Variants in TAFA2 observed in about 807,000 individuals in gnomAD.
TAFA2 encodes the protein chemokine-like protein TAFA-2.
TAFA2 carries 7 observed loss-of-function variants against 18.8 expected under a neutral mutation model. That is an observed-to-expected ratio of 0.37 (90% CI 0.21 to 0.70). The LOEUF (loss-of-function observed/expected upper bound fraction) is 0.70, where lower values mean the gene tolerates loss of function less well. Ranked by LOEUF, TAFA2 falls within the 30% of genes least tolerant of loss-of-function variation. The pLI is 0.53. For missense variants in TAFA2, 122 were observed against 158.1 expected, an observed-to-expected ratio of 0.77 and a Z score of 1.23; for synonymous variants, 60 against 54.2, an observed-to-expected ratio of 1.11 and a Z score of -0.47.
chr12:61,735,158 G>A (rs1868282808), intron 4 of TAFA2, among the ~76,000 whole-genome samples: 1 of 152,028 alleles, frequency 6.6e-6, no homozygotes, highest in African/African-American at 2.4e-5. Flanking sequence ...GTTTCCTCCT[G>A]AGGAATTAGG....
In TAFA2 at chr12:62,153,930, T is replaced by TGTTATGTTAC. The variant is rs1491115368; in HGVS notation, c.-2+37328_-2+37329insGTAACATAAC. Among the ~76,000 whole-genome samples the TGTTATGTTAC allele has an allele frequency of 6.3e-4, 90 of 142,736 alleles. 1 individual carries two copies. The Admixed American group carries it at 6.6e-3, about 11-fold the overall frequency. 93.6% of individuals were successfully genotyped at this position (142,736 alleles called of 152,430 possible). On this transcript the variant is annotated intron_variant, in intron 1 of 4. Transcript: ENST00000416284. ...GCATGAACATAACAAAATTATGTTA[T>TGTTATGTTAC]GTTATGTTATGTTATGTTATGTTAT...
intron 1 of TAFA2, among the ~76,000 whole-genome samples, chr12:62,207,592 C>T (rs2062697513): frequency 6.6e-6 from 1 of 152,158 alleles, no homozygotes; most frequent in Non-Finnish European, 1.5e-5. Flanking sequence ...TTAGCTGCTT[C>T]CATGAACTTT....
chr12:61,973,941 T>C (rs1443213139), intron 1 of TAFA2, among the ~76,000 whole-genome samples: 1 of 151,684 alleles, frequency 6.6e-6, no homozygotes, highest in Admixed American at 6.6e-5. Flanking sequence ...AACCATTAGA[T>C]GTCTGGAAAA....
intron 1 of TAFA2, among the ~76,000 whole-genome samples, chr12:62,099,335 T>C (rs1426733597): frequency 1.3e-5 from 2 of 152,162 alleles, no homozygotes; most frequent in Non-Finnish European, 2.9e-5. Flanking sequence ...AACACAAAAA[T>C]GTGATCAGTC....
At chr12:61,786,942 A>G (rs1207269623) in intron 2 of TAFA2, among the ~76,000 whole-genome samples, 1 of 151,558 alleles carries the variant, frequency 6.6e-6, no homozygotes, top group Non-Finnish European at 1.5e-5. Context: ...CTCAGAAAAA[A>G]GAAGGGAAAT....
chr12:62,233,407 C>G (rs1409251916), intron 1 of TAFA2, among the ~76,000 whole-genome samples: 2 of 152,088 alleles, frequency 1.3e-5, no homozygotes, highest in Non-Finnish European at 2.9e-5. Flanking sequence ...AGTAACATCC[C>G]TCCTCCACTA....
intron 2 of TAFA2, among the ~76,000 whole-genome samples, chr12:61,861,256 CTTTTTTTTTTTT>C (rs1172711323): frequency 1.7e-5 from 2 of 117,160 alleles, no homozygotes; most frequent in East Asian, 5.0e-4. Context: ...CTGGCCTCGC[CTTTTTTTTTTTT>C]TTTTTTTTTA....
intron 1 of TAFA2, among the ~76,000 whole-genome samples, chr12:61,957,727 TCTGCAGGTG>T (rs1161648402): frequency 6.6e-6 from 1 of 152,134 alleles, no homozygotes; most frequent in Non-Finnish European, 1.5e-5. Context: ...CCGTATCTCC[TCTGCAGGTG>T]AGTGCAGCAT....
intron 1 of TAFA2, among the ~76,000 whole-genome samples, chr12:61,910,097 TGTTTGTGTGTGTGTG>T (rs1876539618): frequency 1.1e-5 from 1 of 93,800 alleles, no homozygotes; most frequent in African/African-American, 4.2e-5. Flanking sequence ...TGTGTGTGTG[TGTTTGTGTGTGTGTG>T]TGTGTGTGTG....
At chr12:61,761,454 T>G (rs1470345125) in intron 2 of TAFA2, among the ~76,000 whole-genome samples, 1 of 152,060 alleles carries the variant, frequency 6.6e-6, no homozygotes, top group African/African-American at 2.4e-5. Context: ...ATTATTCACC[T>G]TAAATAGTAG....
intron 1 of TAFA2, among the ~76,000 whole-genome samples, chr12:62,025,422 A>T (rs182819727): frequency 9.2e-5 from 14 of 152,306 alleles, no homozygotes; most frequent in African/African-American, 2.9e-4. Context: ...TTGAAATTTT[A>T]AAAATTAAAA....
chr12:61,820,920 TACATTGG>T (rs1872294069), intron 2 of TAFA2, among the ~76,000 whole-genome samples: 1 of 152,034 alleles, frequency 6.6e-6, no homozygotes, highest in South Asian at 2.1e-4. Flanking sequence ...AATATTTGAT[TACATTGG>T]ACAGGTGTAT....
rs1398946013 is a variant in TAFA2 at position 62,235,311 on chromosome 12, C to T, written c.-130+23452G>A. On this transcript the variant is annotated intron_variant, in intron 1 of 5. Transcript: ENST00000551619. The stretch of plus-strand genomic sequence containing the variant: ...TGCCTCAACAGACAACAAGGGGGCC[C>T]TCGGCATCTCTGTCCTGTGAGGAAA... 6.0e-6 allele frequency: 4 copies of T among 667,862 alleles called. No homozygotes were observed. The African/African-American group carries it at 7.2e-5, about 12-fold the overall frequency. 41.4% of individuals were successfully genotyped at this position (667,862 alleles called of 1,614,324 possible). A position where few individuals can be genotyped will look rare whatever the true frequency, so the allele number is the denominator to read the frequency against.
chr12:61,990,819 G>A (rs73130981), intron 1 of TAFA2, among the ~76,000 whole-genome samples: 10,496 of 152,248 alleles, frequency 0.069, 425 homozygotes, highest in South Asian at 0.14. Flanking sequence ...ATCACCACGT[G>A]GAGGAGTGTA....
At chr12:62,179,223 G>A (rs1318026961) in intron 1 of TAFA2, among the ~76,000 whole-genome samples, 2 of 152,110 alleles carry the variant, frequency 1.3e-5, no homozygotes, top group African/African-American at 4.8e-5. Context: ...GGTTAGATTT[G>A]GGTGGTACAA....
At chr12:62,163,263 T>C (rs2062417370) in intron 1 of TAFA2, among the ~76,000 whole-genome samples, 1 of 152,252 alleles carries the variant, frequency 6.6e-6, no homozygotes, top group Middle Eastern at 3.4e-3. Context: ...TTTACAATTC[T>C]GCAAAAATGA....
chr12:61,809,321 A>G (rs75620847), intron 2 of TAFA2, among the ~76,000 whole-genome samples: 7,306 of 151,632 alleles, frequency 0.048, 916 homozygotes, highest in African/African-American at 0.17. Context: ...TTAGGATGAC[A>G]TTAAAACAGT....
chr12:61,729,869 T>A (rs1028879307), intron 4 of TAFA2, among the ~76,000 whole-genome samples: 1 of 152,160 alleles, frequency 6.6e-6, no homozygotes, highest in Non-Finnish European at 1.5e-5. Context: ...AGAGGAAAGA[T>A]CTGGGACTCA....
At chr12:62,043,953 A>T (rs781280619) in intron 1 of TAFA2, among the ~76,000 whole-genome samples, 1 of 152,126 alleles carries the variant, frequency 6.6e-6, no homozygotes, top group Non-Finnish European at 1.5e-5. Flanking sequence ...TACAAGTGGC[A>T]CTTGTTCTAA....
Sources: allele counts gnomAD v4.1 joint callset (sites outside exome capture counted in the v4.1 genomes callset), GRCh38; gene constraint gnomAD v4.1.1; transcripts MANE v1.5; gene names NCBI Gene and HGNC (gene_info 2026-07-23, HGNC 2026-07-21).